The following ADGRV1 variants were observed in gnomAD, a reference collection of about 807,000 sequenced individuals.
ADGRV1 encodes the protein adhesion G protein-coupled receptor V1.
A neutral mutation model predicts 596.2 loss-of-function variants in ADGRV1; 359 were observed. That is an observed-to-expected ratio of 0.60 (90% confidence interval 0.55 to 0.66). ADGRV1 has a LOEUF of 0.66. ADGRV1 is among the 30% of genes least tolerant of loss of function. The probability of loss-of-function intolerance (pLI) is 0.00; values close to 1 mark genes in which losing one functional copy is unlikely to be tolerated. For synonymous variants in ADGRV1, 2,681 were observed against 2,679.2 expected, an observed-to-expected ratio of 1.00 and a Z score of -0.02; for missense variants, 7,274 against 7,575.6, an observed-to-expected ratio of 0.96 and a Z score of 1.48.
At chr5:91,031,430 A>T in intron 85 of ADGRV1, 1 of 788,238 alleles carries the variant, frequency 1.3e-6, no homozygotes, top group Non-Finnish European at 2.2e-6. Context: ...CATGGCCAGC[A>T]TTAAAGAGTC....
chr5:90,570,442 T>C (rs1756371019), intron 1 of ADGRV1, among the ~76,000 whole-genome samples: 1 of 152,146 alleles, frequency 6.6e-6, no homozygotes, highest in African/African-American at 2.4e-5. Flanking sequence ...CTGAGCTTCT[T>C]AGATATGTAG....
chr5:90,744,559 T>G (rs1754391747), intron 50 of ADGRV1, among the ~76,000 whole-genome samples: 2 of 152,146 alleles, frequency 1.3e-5, no homozygotes, highest in South Asian at 4.1e-4. Flanking sequence ...TTGAAAACTG[T>G]GTAGAAACAG....
Position 90,694,473 on chromosome 5 carries a change from A to G in ADGRV1, c.7717A>G (p.Asn2573Asp). ...TATTTCTACAGTTGTCATAGCACTA[A>G]ATGGTGATGCCTTTGGAGTGTTTGT... ...PNISTVVIALNGDAFGVFVIY... is the reference protein window; with the variant it reads ...PNISTVVIALDGDAFGVFVIY... Residue 2573 changes from asparagine to aspartate, a missense_variant, in exon 33 of 90, where the codon AAT becomes GAT. Around this residue, in one of 5 missense-constraint regions of ADGRV1, gnomAD observed 3,643 missense variants for 3,809.2 expected, o/e 0.96. Coordinates refer to ENST00000405460, the MANE Select transcript of ADGRV1 (RefSeq NM_032119.4). 6.2e-7 allele frequency: 1 copy of G among 1,613,936 alleles called. No homozygotes were observed. Among genetic ancestry groups the G allele is most frequent in the Non-Finnish European group, 8.5e-7 (1 of 1,179,838 alleles).
chr5:90,724,743 G>A, intron 45 of ADGRV1, 89 bp from the exon 46 acceptor site: 1 of 1,167,726 alleles, frequency 8.6e-7, no homozygotes, highest in Admixed American at 1.8e-5. Flanking sequence ...AGTCACAAAT[G>A]CACTTGTCTC....
intron 85 of ADGRV1, among the ~76,000 whole-genome samples, chr5:91,025,328 CA>C (rs1402536041): frequency 6.9e-6 from 1 of 143,910 alleles, no homozygotes; most frequent in Non-Finnish European, 1.5e-5. Flanking sequence ...TGCCTAAGGG[CA>C]AAAGGAAGAT....
At chr5:90,583,959 A>G (rs1002991973) in intron 1 of ADGRV1, among the ~76,000 whole-genome samples, 1 of 152,176 alleles carries the variant, frequency 6.6e-6, no homozygotes, top group African/African-American at 2.4e-5. Context: ...TTAATAGAAA[A>G]TGTATATTTA....
rs535123954 is a variant in ADGRV1 at position 90,686,853 on chromosome 5, T to C, written c.6490+858T>C. ...CCAACAGTGTAAAAGTGTTCCTATT[T>C]CTCCACATCCTCTCCAGCACCTGTT... On this transcript the variant is annotated intron_variant, in intron 29 of 89. Transcript: ENST00000405460. 2.0e-5 allele frequency among the ~76,000 whole-genome samples: 3 copies of C among 152,280 alleles called. No individual in the cohort carries two copies. The South Asian group carries it at 6.2e-4, about 32-fold the overall frequency.
intron 39 of ADGRV1, among the ~76,000 whole-genome samples, chr5:90,709,743 A>G (rs1323999612): frequency 6.6e-6 from 1 of 152,240 alleles, no homozygotes; most frequent in Non-Finnish European, 1.5e-5. Flanking sequence ...AAAGAAATAG[A>G]TGATTCCAAT....
chr5:90,984,495 C>T (rs938003879), intron 84 of ADGRV1, among the ~76,000 whole-genome samples: 3 of 148,978 alleles, frequency 2.0e-5, no homozygotes, highest in African/African-American at 7.4e-5. Context: ...GTCCCCTCAT[C>T]CCCCTTCACT....
chr5:91,020,160 A>G (rs1245023345), intron 85 of ADGRV1, among the ~76,000 whole-genome samples: 4 of 152,016 alleles, frequency 2.6e-5, no homozygotes, highest in Non-Finnish European at 4.4e-5. Flanking sequence ...ACTGGTTTAC[A>G]TTATTTCTGA....
intron 83 of ADGRV1, among the ~76,000 whole-genome samples, chr5:90,912,377 A>T (rs1338621652): frequency 6.6e-6 from 1 of 152,166 alleles, no homozygotes; most frequent in African/African-American, 2.4e-5. Flanking sequence ...TTTCTTAAAA[A>T]ATAATTTCAA....
intron 1 of ADGRV1, among the ~76,000 whole-genome samples, chr5:90,595,553 C>T (rs1163304650): frequency 4.6e-5 from 6 of 130,760 alleles, no homozygotes; most frequent in Non-Finnish European, 6.5e-5. Context: ...GGCGGCTGGC[C>T]GGGCGGGGGG....
At chr5:90,971,266 A>G (rs1778952118) in intron 84 of ADGRV1, among the ~76,000 whole-genome samples, 1 of 152,232 alleles carries the variant, frequency 6.6e-6, no homozygotes, top group Admixed American at 6.5e-5. Flanking sequence ...ACCAAGTTGG[A>G]AAACACTTTG....
chr5:91,156,744 T>C (rs1582250863), intron 89 of ADGRV1, among the ~76,000 whole-genome samples: 1 of 152,154 alleles, frequency 6.6e-6, no homozygotes, highest in Non-Finnish European at 1.5e-5. Flanking sequence ...CCCTATATTT[T>C]TAGAAAAAGT....
At position 90,672,498 on chromosome 5, in the gene ADGRV1, C is replaced by T. The variant is rs867620522; in HGVS notation, c.4753-48C>T. On this transcript the variant is annotated intron_variant, in intron 21 of 89. Coordinates refer to ENST00000405460, the MANE Select transcript of ADGRV1 (RefSeq NM_032119.4). Reference sequence around the variant, plus strand: ...TCATGGAAGCATTGTAATTTTGTCACTGATTTGAATTGCTATGCACCTATT... The same window carrying T: ...TCATGGAAGCATTGTAATTTTGTCATTGATTTGAATTGCTATGCACCTATT... The T allele has an allele frequency of 2.8e-6, 4 of 1,430,132 alleles. No homozygotes were observed. The Middle Eastern group carries it at 5.3e-4, about 191-fold the overall frequency. The allele number at this position is 1,430,132 out of a possible 1,614,324, so 88.6% of individuals were successfully genotyped here. A position where few individuals can be genotyped will look rare whatever the true frequency, so the allele number is the denominator to read the frequency against.
intron 86 of ADGRV1, among the ~76,000 whole-genome samples, chr5:91,101,030 C>T (rs1219901343): frequency 6.6e-6 from 1 of 151,082 alleles, no homozygotes; most frequent in Non-Finnish European, 1.5e-5. Context: ...CTGGATCTCT[C>T]TGCTAAAAAG....
intron 83 of ADGRV1, among the ~76,000 whole-genome samples, chr5:90,960,870 A>G (rs1384512483): frequency 6.6e-6 from 1 of 152,152 alleles, no homozygotes; most frequent in African/African-American, 2.4e-5. Context: ...GAAGAGTCTT[A>G]TGGAAGATAA....
intron 87 of ADGRV1, among the ~76,000 whole-genome samples, chr5:91,109,043 G>A (rs956664959): frequency 6.6e-6 from 1 of 152,082 alleles, no homozygotes; most frequent in Admixed American, 6.6e-5. Flanking sequence ...TGCACATTTA[G>A]GAAAATGTAT....
In ADGRV1 at chr5:91,143,994, G is replaced by T. The variant is rs148236212; in HGVS notation, c.18433-6036G>T. ...CTGGCTGGGTTGCAACAGTGCCCAG[G>T]CTTGGCCTCAACTTTGCTGTGAGAT... On this transcript the variant is annotated intron_variant, in intron 87 of 89. Transcript: ENST00000405460. 9.3e-3 allele frequency among the ~76,000 whole-genome samples: 1,423 copies of T among 152,308 alleles called. 23 individuals carry two copies. The highest frequency in any genetic ancestry group is 0.032 in the African/African-American group (1,337 of 41,574).
Sources: allele counts gnomAD v4.1 joint callset (sites outside exome capture counted in the v4.1 genomes callset), GRCh38; gene constraint gnomAD v4.1.1; regional missense constraint gnomAD v4.1.1; transcripts MANE v1.5; gene names NCBI Gene and HGNC (gene_info 2026-07-23, HGNC 2026-07-21).